The following MFAP3L variants were observed in gnomAD, a reference collection of about 807,000 sequenced individuals.
MFAP3L encodes the protein microfibrillar-associated protein 3-like.
In MFAP3L, 5 loss-of-function variants were observed where a neutral mutation model predicts 20.0. That is an observed-to-expected ratio of 0.25 (90% CI 0.13 to 0.53). The LOEUF (loss-of-function observed/expected upper bound fraction) is 0.53, where lower values mean the gene tolerates loss of function less well. Among genes scored for constraint, MFAP3L ranks in the 20% least tolerant of loss-of-function variants. The pLI, the probability that MFAP3L is intolerant of heterozygous loss-of-function variation, is 0.96. For synonymous variants in MFAP3L, 219 were observed against 213.0 expected, an observed-to-expected ratio of 1.03 and a Z score of -0.25; for missense variants, 409 against 527.5, an observed-to-expected ratio of 0.78 and a Z score of 2.20.
intron 1 of MFAP3L, among the ~76,000 whole-genome samples, chr4:170,021,266 C>T (rs143395237): frequency 2.0e-5 from 3 of 152,282 alleles, no homozygotes; most frequent in African/African-American, 7.2e-5. Context: ...TCTTTCCTTC[C>T]CTGCCCACAG....
At chr4:170,021,807 CCCAAAA>C (rs762251786) in intron 1 of MFAP3L, among the ~76,000 whole-genome samples, 3 of 152,142 alleles carry the variant, frequency 2.0e-5, no homozygotes, top group Admixed American at 6.5e-5. Flanking sequence ...AATATTCAAA[CCCAAAA>C]GTTAGTTTAT....
chr4:170,014,042 G>A (rs911156593), intron 1 of MFAP3L, among the ~76,000 whole-genome samples: 15 of 152,202 alleles, frequency 9.9e-5, no homozygotes, highest in Non-Finnish European at 1.3e-4. Context: ...GGGTTACAAT[G>A]CTGTATTCAC....
At chr4:170,022,260 T>C (rs1401424838) in intron 1 of MFAP3L, among the ~76,000 whole-genome samples, 1 of 152,244 alleles carries the variant, frequency 6.6e-6, no homozygotes, top group African/African-American at 2.4e-5. Context: ...AGACCTCTAC[T>C]GGCCACTGAC....
chr4:169,998,946 G>C (rs1738411302), intron 2 of MFAP3L, among the ~76,000 whole-genome samples: 1 of 152,198 alleles, frequency 6.6e-6, no homozygotes, highest in Non-Finnish European at 1.5e-5. Context: ...CTTTGAAGAA[G>C]CACAAAATGC....
At chr4:170,007,952 CA>C (rs1175290150) in intron 1 of MFAP3L, among the ~76,000 whole-genome samples, 4 of 152,148 alleles carry the variant, frequency 2.6e-5, no homozygotes, top group African/African-American at 9.7e-5. Context: ...AATGGAAAAT[CA>C]AACTGAATTT....
rs144109290 is a variant in MFAP3L at position 169,986,850 on chromosome 4, G to A, written c.*4528C>T. ...TACAACAAACGAAATCTAAGTGCAA[G>A]CATCTTCCTTGATTCTCATTGTTAG... On this transcript the variant is annotated 3_prime_UTR_variant, in exon 3 of 3. Coordinates refer to ENST00000361618, the MANE Select transcript of MFAP3L (RefSeq NM_021647.8). 5 of 152,294 alleles carry A rather than the reference G, an allele frequency of 3.3e-5. No individual in the cohort carries two copies. In the East Asian group the frequency reaches 9.6e-4, roughly 29 times the overall value. The allele number at this position is 152,294 out of a possible 1,614,324, so 9.4% of individuals were successfully genotyped here.
intron 2 of MFAP3L, among the ~76,000 whole-genome samples, chr4:169,998,598 A>G (rs993954643): frequency 4.6e-5 from 7 of 152,244 alleles, no homozygotes; most frequent in African/African-American, 1.7e-4. Context: ...GCTGACTGAA[A>G]AAAAAAAATT....
At chr4:170,002,881 G>A (rs1352355592) in intron 2 of MFAP3L, among the ~76,000 whole-genome samples, 2 of 150,814 alleles carry the variant, frequency 1.3e-5, no homozygotes, top group Non-Finnish European at 3.0e-5. Context: ...AAAAAACACC[G>A]CTCCATATAA....
chr4:169,991,464 C>T lies in MFAP3L; in HGVS notation c.1144G>A (p.Val382Ile). ...EPTPVEVPDK[V>I]LPPAYLEATE... ...GCTTCCAGGTAAGCTGGCGGCAGTACCTTATCTGGTACCTCAACAGGTGTT... is the reference window on the plus strand; with the variant it reads ...GCTTCCAGGTAAGCTGGCGGCAGTATCTTATCTGGTACCTCAACAGGTGTT... The change falls in exon 3 of 3, where the codon GTA (valine) becomes ATA (isoleucine). Residue 382 changes from valine (V) to isoleucine (I), a missense_variant. This residue lies in a region of MFAP3L where 169 missense variants were observed against 178.2 expected (regional missense o/e 0.95). Coordinates refer to ENST00000361618, the MANE Select transcript of MFAP3L (RefSeq NM_021647.8). The surrounding 1 kb of genome is among the most constrained non-coding windows in gnomAD (Gnocchi z 4.9). 1.2e-6 allele frequency: 2 copies of T among 1,614,046 alleles called. No homozygotes were observed. The highest frequency in any genetic ancestry group is 1.7e-6 in the Non-Finnish European group (2 of 1,180,016).
intron 2 of MFAP3L, chr4:169,994,304 C>A (rs879827029): frequency 1.0e-6 from 1 of 985,382 alleles, no homozygotes; most frequent in African/African-American, 1.7e-5. Context: ...TCCTCCCCAT[C>A]CGTACCACTT....
chr4:170,003,270 G>A (rs1407541676), intron 2 of MFAP3L, among the ~76,000 whole-genome samples: 1 of 152,200 alleles, frequency 6.6e-6, no homozygotes, highest in Non-Finnish European at 1.5e-5. Context: ...CCAGAGTGCT[G>A]AATTCTGATG....
chr4:170,026,370 C>T lies in MFAP3L; in HGVS notation c.-270G>A. On this transcript the variant is annotated 5_prime_UTR_variant, in exon 1 of 3. It adds an upstream start codon to the 5' untranslated region. Coordinates refer to ENST00000361618, the MANE Select transcript of MFAP3L (RefSeq NM_021647.8). The stretch of plus-strand genomic sequence containing the variant: ...GCGAGCCGCCTCCGCCGGCGCCTCA[C>T]AGCGTTGCGAGCTGCGCCGCCGGCT... 1.2e-6 allele frequency: 1 copy of T among 847,154 alleles called. No individual in the cohort carries two copies. The highest frequency in any genetic ancestry group is 1.4e-6 in the Non-Finnish European group (1 of 704,670). The allele number at this position is 847,154 out of a possible 1,614,324, so 52.5% of individuals were successfully genotyped here.
chr4:170,018,164 CAG>C (rs1172655576), intron 1 of MFAP3L, among the ~76,000 whole-genome samples: 1 of 152,140 alleles, frequency 6.6e-6, no homozygotes, highest in Non-Finnish European at 1.5e-5. Context: ...GGGAAGGTAA[CAG>C]AATGTTCCCT....
intron 2 of MFAP3L, among the ~76,000 whole-genome samples, chr4:170,002,494 G>A (rs1172935782): frequency 1.3e-5 from 2 of 151,946 alleles, no homozygotes; most frequent in East Asian, 1.9e-4. Context: ...AAGGTTCTAG[G>A]ATATTAGTAT....
chr4:170,001,484 C>T (rs1738613865), intron 2 of MFAP3L, among the ~76,000 whole-genome samples: 1 of 152,194 alleles, frequency 6.6e-6, no homozygotes, highest in Admixed American at 6.5e-5. Flanking sequence ...AACTTAATCT[C>T]TAACAAACCT....
Position 169,988,114 on chromosome 4 carries a change from G to A in MFAP3L, c.*3264C>T, listed in dbSNP as rs1737397568. 6.6e-6 allele frequency: 1 copy of A among 152,062 alleles called. No homozygotes were observed. The highest frequency in any genetic ancestry group is 2.1e-4 in the South Asian group (1 of 4,830). 9.4% of individuals were successfully genotyped at this position (152,062 alleles called of 1,614,324 possible). A position where few individuals can be genotyped will look rare whatever the true frequency, so the allele number is the denominator to read the frequency against. ...TGAGACATTCAGAGATTTTTAGAGC[G>A]ATTTCTAGAAGCTATATATCACATG... is the stretch of plus-strand genomic sequence containing the variant. On this transcript the variant is annotated 3_prime_UTR_variant, in exon 3 of 3. Transcript: ENST00000361618.
At chr4:169,994,206 G>T in intron 2 of MFAP3L, 1 of 985,362 alleles carries the variant, frequency 1.0e-6, no homozygotes. Context: ...CCTTCCTTTT[G>T]TTGGAAAATA....
At chr4:170,011,607 A>G (rs2111032140) in intron 1 of MFAP3L, among the ~76,000 whole-genome samples, 1 of 152,320 alleles carries the variant, frequency 6.6e-6, no homozygotes, top group South Asian at 2.1e-4. Context: ...TTACCTGAGA[A>G]ATGACCTGCG....
Position 170,005,593 on chromosome 4 carries a change from C to T in MFAP3L, c.285G>A (p.Lys95=). The change falls in exon 2 of 3, where the codon AAG becomes AAA. Residue 95 remains lysine, a synonymous_variant. Transcript: ENST00000361618. ...GKLLKEEEDE[K]ERGGGKWQMH... is the part of the protein sequence containing the mutation. ...TTTAAAGCCTACCTCCTCCTCTCTC[C>T]TTCTCATCCTCTTCTTCTTTCAGCA... is the stretch of plus-strand genomic sequence containing the variant. 6.2e-7 allele frequency: 1 copy of T among 1,613,960 alleles called. No homozygotes were observed. The highest frequency in any genetic ancestry group is 8.5e-7 in the Non-Finnish European group (1 of 1,179,850).
Sources: allele counts gnomAD v4.1 joint callset (sites outside exome capture counted in the v4.1 genomes callset), GRCh38; gene constraint gnomAD v4.1.1; regional missense constraint gnomAD v4.1.1; non-coding constraint Gnocchi (gnomAD v3.1); transcripts MANE v1.5; gene names NCBI Gene and HGNC (gene_info 2026-07-23, HGNC 2026-07-21).